The following BIRC6 variants were observed in gnomAD, a reference collection of about 807,000 sequenced individuals.
BIRC6 encodes the protein dual E2 ubiquitin-conjugating enzyme/E3 ubiquitin-protein ligase BIRC6.
Under a neutral mutation model 503.3 loss-of-function variants are expected in BIRC6, and 98 were observed. That is an observed-to-expected ratio of 0.19 (90% CI 0.17 to 0.23). The LOEUF is 0.23. Ranked by LOEUF, BIRC6 falls within the 10% of genes least tolerant of loss-of-function variation. The pLI is 1.00. For synonymous variants in BIRC6, 2,240 were observed against 2,078.7 expected, an observed-to-expected ratio of 1.08 and a Z score of -2.11; for missense variants, 5,360 against 5,806.0, an observed-to-expected ratio of 0.92 and a Z score of 2.50.
At chr2:32,583,920 C>T (rs572135919) in intron 66 of BIRC6, among the ~76,000 whole-genome samples, 4 of 152,184 alleles carry the variant, frequency 2.6e-5, no homozygotes, top group Admixed American at 1.3e-4. Context: ...TTTGTAGAGA[C>T]GGAGGTTCGC....
In BIRC6 at chr2:32,362,833, TAATTTTTAAACACCTGTCTA is replaced by T. The variant is rs984310633; in HGVS notation, c.325+5363_325+5382del. Among the ~76,000 whole-genome samples, 5 of 152,184 alleles carry T rather than the reference TAATTTTTAAACACCTGTCTA, an allele frequency of 3.3e-5. No homozygotes were observed. The East Asian group carries it at 5.8e-4, about 18-fold the overall frequency. ...TTCATCCCATTACACAGAATTATTT[TAATTTTTAAACACCTGTCTA>T]AATTTTTAAACACCTTGACTAAATT... is the stretch of plus-strand genomic sequence containing the variant. On this transcript the variant is annotated intron_variant, in intron 1 of 73. Coordinates refer to ENST00000421745, the MANE Select transcript of BIRC6 (RefSeq NM_016252.4).
chr2:32,456,134 C>T (rs923063201), intron 23 of BIRC6, among the ~76,000 whole-genome samples: 38 of 152,136 alleles, frequency 2.5e-4, no homozygotes, highest in African/African-American at 7.7e-4. Flanking sequence ...TTATTTCTTC[C>T]TCATTTTCTC....
intron 15 of BIRC6, among the ~76,000 whole-genome samples, chr2:32,436,975 G>A (rs111964526): frequency 8.2e-5 from 11 of 134,704 alleles, no homozygotes; most frequent in African/African-American, 2.8e-4. Flanking sequence ...TGCAACACCC[G>A]CCTCCCAGGC....
At chr2:32,609,285 C>CTGTGTGTGTGTGTGTGTGTGTGTG (rs58379253) in intron 72 of BIRC6, among the ~76,000 whole-genome samples, 15 of 147,648 alleles carry the variant, frequency 1.0e-4, no homozygotes, top group African/African-American at 1.5e-4. Flanking sequence ...AAGTGTGGCT[C>CTGTGTGTGTGTGTGTGTGTGTGTG]TGTGTGTGTG....
chr2:32,398,052 C>G (rs553440726), intron 6 of BIRC6, among the ~76,000 whole-genome samples: 12 of 152,006 alleles, frequency 7.9e-5, no homozygotes, highest in African/African-American at 2.4e-4. Context: ...TAGGCACCTT[C>G]TGAATTGTAA....
intron 71 of BIRC6, among the ~76,000 whole-genome samples, chr2:32,606,579 C>A (rs2062471084): frequency 6.6e-6 from 1 of 151,694 alleles, no homozygotes; most frequent in African/African-American, 2.4e-5. Flanking sequence ...GGCAACAGAG[C>A]AAGACTCCAT....
chr2:32,606,263 A>T (rs2062441895), intron 71 of BIRC6, among the ~76,000 whole-genome samples: 3 of 152,174 alleles, frequency 2.0e-5, no homozygotes, highest in Non-Finnish European at 4.4e-5. Context: ...GTGGTTTGGA[A>T]GTGGTCTTAG....
In BIRC6 at chr2:32,529,684, A is replaced by G; in HGVS notation, c.11954A>G (p.Gln3985Arg). The G allele has an allele frequency of 6.2e-7, 1 of 1,606,224 alleles. No homozygotes were observed. The stretch of plus-strand genomic sequence containing the variant: ...TTGCCAGCTGAAATGACACTTGCCC[A>G]GCTTTTAACTCTCCTATATGACCGA... The part of the protein sequence containing the change: ...QPLPAEMTLA[Q>R]LLTLLYDRKL... The change falls in exon 60 of 74, where the codon CAG (glutamine) becomes CGG (arginine). Residue 3985 changes from glutamine to arginine, a missense_variant. By Grantham distance (43) the Gln-to-Arg change is conservative. This residue lies in a region of BIRC6 where 878 missense variants were observed against 928.9 expected (regional missense o/e 0.95). Coordinates refer to ENST00000421745, the MANE Select transcript of BIRC6 (RefSeq NM_016252.4).
intron 16 of BIRC6, among the ~76,000 whole-genome samples, chr2:32,440,750 A>ATTTT (rs1022315135): frequency 7.7e-6 from 1 of 129,670 alleles, no homozygotes; most frequent in Non-Finnish European, 1.7e-5. Context: ...GTGTTTATTT[A>ATTTT]TTTATTATTA....
intron 1 of BIRC6, among the ~76,000 whole-genome samples, chr2:32,371,934 T>G (rs1274190180): frequency 6.6e-6 from 1 of 151,976 alleles, no homozygotes; most frequent in Non-Finnish European, 1.5e-5. Flanking sequence ...GCCTCCTGAG[T>G]AGCTGGGATT....
chr2:32,616,439 A>G (rs755713221), intron 73 of BIRC6, among the ~76,000 whole-genome samples: 11 of 151,986 alleles, frequency 7.2e-5, no homozygotes, highest in Admixed American at 3.3e-4. Context: ...GCATGCCTGT[A>G]ATAGCAGTTG....
chr2:32,490,585 T>A (rs993011137), intron 43 of BIRC6, among the ~76,000 whole-genome samples: 2 of 152,134 alleles, frequency 1.3e-5, no homozygotes. Context: ...CTGAATTAGT[T>A]CTTATATATC....
chr2:32,572,867 C>T (rs936511287), intron 65 of BIRC6, among the ~76,000 whole-genome samples: 6 of 152,172 alleles, frequency 3.9e-5, no homozygotes. Flanking sequence ...TCATTAAGCT[C>T]TGATAGTCTC....
In BIRC6 at chr2:32,595,017, G is replaced by T; in HGVS notation, c.13502-17G>T. ...TTAAAATGTATATGTTATTTATCTT[G>T]AAATATTAAATAACAGAAAAAAAAC... On this transcript the variant is annotated splice_polypyrimidine_tract_variant and intron_variant, in intron 67 of 73. Coordinates refer to ENST00000421745, the MANE Select transcript of BIRC6 (RefSeq NM_016252.4). 1 of 1,421,448 alleles carries T rather than the reference G, an allele frequency of 7.0e-7. No individual in the cohort carries two copies. The highest frequency in any genetic ancestry group is 2.4e-5 in the East Asian group (1 of 41,990). 88.1% of individuals were successfully genotyped at this position (1,421,448 alleles called of 1,614,324 possible).
chr2:32,411,435 T>TA lies in BIRC6; in HGVS notation c.1478-3334_1478-3333insA, dbSNP rs1405779925. ...TATATATATTTTATTTTTTTATTTT[T>TA]TTTTTTTAAATTTTCTATTTTTTGT... On this transcript the variant is annotated intron_variant, in intron 9 of 73. Transcript: ENST00000421745. Among the ~76,000 whole-genome samples the TA allele has an allele frequency of 6.0e-3, 887 of 148,732 alleles. 11 individuals carry two copies. The highest frequency in any genetic ancestry group is 0.021 in the African/African-American group (848 of 40,466).
rs1347355342 is a variant in BIRC6 at position 32,488,665 on chromosome 2, C to T, written c.8046C>T (p.Asp2682=). 3 of 1,492,172 alleles carry T rather than the reference C, an allele frequency of 2.0e-6. No homozygotes were observed. Among genetic ancestry groups the T allele is most frequent in the East Asian group, 2.5e-5 (1 of 40,494 alleles). 92.4% of individuals were successfully genotyped at this position (1,492,172 alleles called of 1,614,324 possible). ...CTGGAAACAAAGAAAATGGAGCAGA[C>T]ATATTTTTATATAATGCTAATAGGA... is the stretch of plus-strand genomic sequence containing the variant. The part of the protein sequence containing the change: ...SSTGNKENGA[D]IFLYNANRIP... The change falls in exon 42 of 74, where the codon GAC becomes GAT. Residue 2682 remains aspartate (D), a synonymous_variant. Coordinates refer to ENST00000421745, the MANE Select transcript of BIRC6 (RefSeq NM_016252.4).
intron 22 of BIRC6, 47 bp from the exon 23 acceptor site, chr2:32,453,761 T>TA: frequency 6.3e-7 from 1 of 1,588,184 alleles, no homozygotes; most frequent in Middle Eastern, 1.7e-4. Flanking sequence ...ACTATTGCTT[T>TA]TTAAAAATTA....
intron 66 of BIRC6, among the ~76,000 whole-genome samples, chr2:32,589,694 A>G (rs2061287504): frequency 6.6e-6 from 1 of 152,138 alleles, no homozygotes. Flanking sequence ...ATAGGCAAAT[A>G]TTTATTTTAA....
intron 57 of BIRC6, chr2:32,522,080 C>G (rs896028323): frequency 6.6e-6 from 1 of 151,928 alleles, no homozygotes; most frequent in Admixed American, 6.6e-5. Context: ...TCCCCCCCAT[C>G]ATTTTTTTTC....
Sources: allele counts gnomAD v4.1 joint callset (sites outside exome capture counted in the v4.1 genomes callset), GRCh38; gene constraint gnomAD v4.1.1; regional missense constraint gnomAD v4.1.1; transcripts MANE v1.5; gene names NCBI Gene and HGNC (gene_info 2026-07-23, HGNC 2026-07-21).